ITPR2: variants seen among roughly 807,000 people sequenced by gnomAD.
ITPR2 encodes inositol 1,4,5-trisphosphate receptor type 2.
In ITPR2, 207 loss-of-function variants were observed where a neutral mutation model predicts 317.1. The ratio of observed to expected loss-of-function variants is 0.65; its 90% CI spans 0.58 to 0.73. The LOEUF (loss-of-function observed/expected upper bound fraction) is 0.73, where lower values mean the gene tolerates loss of function less well. Among genes scored for constraint, ITPR2 ranks in the 30% least tolerant of loss-of-function variants. The pLI is 0.00. For missense variants in ITPR2, 2,613 were observed against 3,284.0 expected, an observed-to-expected ratio of 0.80 and a Z score of 4.99; for synonymous variants, 1,156 against 1,149.1, an observed-to-expected ratio of 1.01 and a Z score of -0.12.
chr12:26,412,945 G>A (rs751204971), intron 51 of ITPR2, among the ~76,000 whole-genome samples: 12 of 152,156 alleles, frequency 7.9e-5, no homozygotes, highest in South Asian at 6.2e-4. Context: ...AGTAATTTGG[G>A]CAGGCAGAAG....
intron 21 of ITPR2, among the ~76,000 whole-genome samples, chr12:26,636,432 G>A (rs1332182053): frequency 2.6e-5 from 4 of 152,108 alleles, no homozygotes; most frequent in African/African-American, 7.2e-5. Flanking sequence ...AATAGTGTCC[G>A]ATGCCCAACT....
At chr12:26,504,502 A>T (rs1407688588) in intron 37 of ITPR2, among the ~76,000 whole-genome samples, 1 of 152,142 alleles carries the variant, frequency 6.6e-6, no homozygotes, top group Non-Finnish European at 1.5e-5. Flanking sequence ...ATGAAAAAAA[A>T]TGCTCACCTT....
rs754965250 is a variant in ITPR2, at chr12:26,654,132, T to TA, written c.2590-7dup. 0.25 allele frequency: 204,347 copies of TA among 805,998 alleles called. 3,350 individuals carry two copies. The highest frequency in any genetic ancestry group is 0.27 in the Non-Finnish European group (165,529 of 609,314). 49.9% of individuals were successfully genotyped at this position (805,998 alleles called of 1,614,324 possible). The stretch of plus-strand genomic sequence containing the variant: ...TTCCGAGCCAAGTGGACCACCTTAA[T>TA]AAAAAAAAAAAAGCGGGGAGGGGGA... On this transcript the variant is annotated splice_region_variant and splice_polypyrimidine_tract_variant and intron_variant, in intron 20 of 56. Coordinates refer to ENST00000381340, the MANE Select transcript of ITPR2 (RefSeq NM_002223.4).
intron 1 of ITPR2, among the ~76,000 whole-genome samples, chr12:26,801,519 G>A (rs1250243009): frequency 6.6e-6 from 1 of 152,182 alleles, no homozygotes; most frequent in African/African-American, 2.4e-5. Flanking sequence ...CTTCCTTGAT[G>A]TCACCCTAGG....
intron 23 of ITPR2, chr12:26,627,250 A>G (rs1946642022): frequency 6.6e-6 from 1 of 152,194 alleles, no homozygotes; most frequent in South Asian, 2.1e-4. Context: ...TCTTCAAAAC[A>G]CCTATCCTTC....
chr12:26,413,261 C>T (rs529598529), intron 51 of ITPR2, among the ~76,000 whole-genome samples: 8 of 152,208 alleles, frequency 5.3e-5, no homozygotes, highest in African/African-American at 7.2e-5. Context: ...GCCAATTACC[C>T]GTCCTCTATT....
chr12:26,769,891 A>G (rs1395372229), intron 2 of ITPR2, among the ~76,000 whole-genome samples: 1 of 152,200 alleles, frequency 6.6e-6, no homozygotes, highest in African/African-American at 2.4e-5. Flanking sequence ...CATGTTTCTT[A>G]CCACATCACG....
At position 26,371,688 on chromosome 12, in the gene ITPR2, G is replaced by C. The variant is rs144010780; in HGVS notation, c.7857+15746C>G. 4.4e-3 allele frequency among the ~76,000 whole-genome samples: 667 copies of C among 152,340 alleles called. 7 individuals are homozygous for C. Among genetic ancestry groups the C allele is most frequent in the African/African-American group, 0.015 (627 of 41,574 alleles). On this transcript the variant is annotated intron_variant, in intron 55 of 56. Coordinates refer to ENST00000381340, the MANE Select transcript of ITPR2 (RefSeq NM_002223.4). ...AAGAAGATCAGGAAGGCTGAGCCTA[G>C]TGAGAGAGGCAGGTACGGGGTTGGG...
rs142017958 is a variant in ITPR2, at chr12:26,739,098, CAT to C, written c.164-13335_164-13334del. On this transcript the variant is annotated intron_variant, in intron 2 of 56. Coordinates refer to ENST00000381340, the MANE Select transcript of ITPR2 (RefSeq NM_002223.4). Reference sequence around the variant, plus strand: ...TCATTAGAGAAATGCAAACTATGACCATAATTAGATACCACTACAAAACCACT... The same window carrying C: ...TCATTAGAGAAATGCAAACTATGACCAATTAGATACCACTACAAAACCACT... Among the ~76,000 whole-genome samples, 40 of 152,264 alleles carry C rather than the reference CAT, an allele frequency of 2.6e-4. 1 individual carries two copies. In the East Asian group the frequency reaches 7.1e-3, roughly 27 times the overall value.
chr12:26,631,249 C>G (rs1242423976), intron 22 of ITPR2, among the ~76,000 whole-genome samples: 1 of 152,150 alleles, frequency 6.6e-6, no homozygotes, highest in Non-Finnish European at 1.5e-5. Flanking sequence ...AGTCTATTCA[C>G]TAAACCAATG....
At chr12:26,517,136 A>G (rs111369339) in intron 37 of ITPR2, among the ~76,000 whole-genome samples, 2,939 of 152,216 alleles carry the variant, frequency 0.019, 54 homozygotes, top group African/African-American at 0.046. Context: ...TTAGAAGAGA[A>G]AAATTCTAAA....
chr12:26,681,480 G>A (rs1304454053), intron 13 of ITPR2, among the ~76,000 whole-genome samples: 3 of 152,118 alleles, frequency 2.0e-5, no homozygotes, highest in Admixed American at 2.0e-4. Flanking sequence ...TGTGGTACCA[G>A]AGCTGAGAAA....
At chr12:26,579,362 A>G (rs1475537072) in intron 33 of ITPR2, among the ~76,000 whole-genome samples, 1 of 152,212 alleles carries the variant, frequency 6.6e-6, no homozygotes, top group East Asian at 1.9e-4. Context: ...GAAAATCATC[A>G]AGAATGCTAC....
At chr12:26,708,229 G>A (rs182675964) in intron 9 of ITPR2, among the ~76,000 whole-genome samples, 5 of 152,166 alleles carry the variant, frequency 3.3e-5, no homozygotes, top group South Asian at 2.1e-4. Context: ...CATATGATCC[G>A]GCAATCCTAC....
At chr12:26,359,446 T>C (rs74600389) in intron 55 of ITPR2, among the ~76,000 whole-genome samples, 9,511 of 152,298 alleles carry the variant, frequency 0.062, 426 homozygotes, top group Non-Finnish European at 0.094. Context: ...AATCTCAGTC[T>C]GAATCCCAGC....
chr12:26,498,032 G>A (rs1002083521), intron 37 of ITPR2, among the ~76,000 whole-genome samples: 5 of 152,202 alleles, frequency 3.3e-5, no homozygotes, highest in African/African-American at 7.2e-5. Context: ...CACCGTGCCC[G>A]GTCAGTGCCA....
chr12:26,394,198 T>C (rs1466879562), intron 54 of ITPR2, among the ~76,000 whole-genome samples: 11 of 152,158 alleles, frequency 7.2e-5, no homozygotes, highest in Admixed American at 7.2e-4. Context: ...TCAGGATGAT[T>C]AGAAACTTGG....
At chr12:26,628,731 G>C (rs1169539627) in intron 22 of ITPR2, among the ~76,000 whole-genome samples, 1 of 152,162 alleles carries the variant, frequency 6.6e-6, no homozygotes, top group Non-Finnish European at 1.5e-5. Flanking sequence ...CAGAAACTAA[G>C]TACCTAGCAA....
chr12:26,665,631 G>T (rs762187448), intron 14 of ITPR2, among the ~76,000 whole-genome samples: 48 of 152,116 alleles, frequency 3.2e-4, no homozygotes, highest in Non-Finnish European at 1.2e-4. Flanking sequence ...ATGTGAGAGG[G>T]CTGGAAGGCA....
Sources: allele counts gnomAD v4.1 joint callset (sites outside exome capture counted in the v4.1 genomes callset), GRCh38; gene constraint gnomAD v4.1.1; transcripts MANE v1.5; gene names NCBI Gene and HGNC (gene_info 2026-07-23, HGNC 2026-07-21).